The following SMG1 variants were observed in gnomAD, a reference collection of about 807,000 sequenced individuals.
SMG1 encodes the protein SMG1 nonsense mediated mRNA decay associated PI3K related kinase.
SMG1 carries 22 observed loss-of-function variants against 419.9 expected under a neutral mutation model. The ratio of observed to expected loss-of-function variants is 0.05; its 90% CI spans 0.04 to 0.07. The LOEUF is 0.07. Ranked by LOEUF, SMG1 falls within the 10% of genes least tolerant of loss-of-function variation. The pLI is 1.00. For missense variants in SMG1, 3,185 were observed against 4,342.0 expected (o/e 0.73, Z 7.49); for synonymous variants, 1,538 against 1,553.5 (o/e 0.99, Z 0.23).
rs766994521 is a variant in SMG1 at position 18,885,684 on chromosome 16, A to G, written c.823-18T>C. The stretch of plus-strand genomic sequence containing the variant: ...ATTACAAGCTTAAAAATAAAAAGTT[A>G]CAAACCGTGAACATTCAACAAAATA... On this transcript the variant is annotated intron_variant, in intron 6 of 62. Coordinates refer to ENST00000446231, the MANE Select transcript of SMG1 (RefSeq NM_015092.5). 7 of 1,595,516 alleles carry G rather than the reference A, an allele frequency of 4.4e-6. No homozygotes were observed. The highest frequency in any genetic ancestry group is 2.7e-5 in the African/African-American group (2 of 74,832).
chr16:18,887,854 C>A (rs2036702296), intron 6 of SMG1, among the ~76,000 whole-genome samples: 1 of 131,290 alleles, frequency 7.6e-6, no homozygotes, highest in African/African-American at 2.8e-5. Context: ...CACTTAAAAT[C>A]TTACTCAAAA....
intron 11 of SMG1, chr16:18,879,216 A>G: frequency 2.3e-6 from 1 of 427,996 alleles, no homozygotes; most frequent in Non-Finnish European, 4.4e-6. Context: ...CCTGGGCTTA[A>G]TCGATCCTCC....
In SMG1 at chr16:18,836,408, T is replaced by C. The variant is rs772821118; in HGVS notation, c.7729A>G (p.Thr2577Ala). 4 of 1,613,942 alleles carry C rather than the reference T, an allele frequency of 2.5e-6. No individual in the cohort carries two copies. Among genetic ancestry groups the C allele is most frequent in the East Asian group, 2.2e-5 (1 of 44,896 alleles). ...TCTTGAAGCAAGCTTGCAAGCTGTG[T>C]TGCTTCTAAATTATTGAATGCAGCC... ...YQAAFNNLEA[T>A]QLASLLQEIS... Residue 2577 changes from threonine to alanine, a missense_variant, in exon 47 of 63, where the codon ACA becomes GCA. Coordinates refer to ENST00000446231, the MANE Select transcript of SMG1 (RefSeq NM_015092.5).
At chr16:18,874,845 G>A (rs1355218200) in intron 13 of SMG1, among the ~76,000 whole-genome samples, 4 of 105,916 alleles carry the variant, frequency 3.8e-5, no homozygotes, top group East Asian at 6.6e-4. Flanking sequence ...CAGCCCAGGC[G>A]ACAACAGCAT....
intron 1 of SMG1, among the ~76,000 whole-genome samples, chr16:18,918,918 G>C (rs2038081144): frequency 6.6e-6 from 1 of 152,122 alleles, no homozygotes; most frequent in Non-Finnish European, 1.5e-5. Flanking sequence ...AGGAAGGAAG[G>C]TATACTGAGA....
rs115808594 is a variant in SMG1, at chr16:18,851,935, A to C, written c.5052+132T>G. ...AAAATATAACTCACTTTCATCTTAA[A>C]ATGCAGAAGTTTTTATTTACAACAA... On this transcript the variant is annotated intron_variant, in intron 33 of 62. Coordinates refer to ENST00000446231, the MANE Select transcript of SMG1 (RefSeq NM_015092.5). 2,819 of 951,706 alleles carry C rather than the reference A, an allele frequency of 3.0e-3. 74 individuals carry two copies. In the African/African-American group the frequency reaches 0.043, roughly 15 times the overall value. The allele number at this position is 951,706 out of a possible 1,614,324, so 59.0% of individuals were successfully genotyped here.
rs762705805 is a variant in SMG1 at position 18,842,370 on chromosome 16, T to C, written c.6304A>G (p.Met2102Val). The C allele has an allele frequency of 2.2e-5, 35 of 1,613,924 alleles. No individual in the cohort carries two copies. In the East Asian group the frequency reaches 7.3e-4, roughly 34 times the overall value. The change falls in exon 40 of 63, where the codon ATG becomes GTG. Residue 2102 changes from methionine (M) to valine (V), a missense_variant. Physicochemically the swap from Met to Val is conservative, Grantham distance 21. This residue lies in a region of SMG1 where 159 missense variants were observed against 196.0 expected (regional missense o/e 0.81). Transcript: ENST00000446231. ...LEEISPWLAA[M>V]TNTEIALPGE... ...GGAAGAGCAATTTCAGTGTTAGTCATGGCAGCCAACCATGGACTGATTTCT... is the reference window on the plus strand; with the variant it reads ...GGAAGAGCAATTTCAGTGTTAGTCACGGCAGCCAACCATGGACTGATTTCT...
At chr16:18,916,962 T>C (rs773256709) in intron 1 of SMG1, among the ~76,000 whole-genome samples, 2 of 152,038 alleles carry the variant, frequency 1.3e-5, no homozygotes, top group Non-Finnish European at 2.9e-5. Context: ...AAAGACACCA[T>C]GGACCACACT....
chr16:18,848,050 G>A lies in SMG1; in HGVS notation c.5624-17C>T. 1.3e-6 allele frequency: 2 copies of A among 1,589,326 alleles called. No homozygotes were observed. On this transcript the variant is annotated splice_polypyrimidine_tract_variant and intron_variant, in intron 36 of 62. Coordinates refer to ENST00000446231, the MANE Select transcript of SMG1 (RefSeq NM_015092.5). Reference sequence around the variant, plus strand: ...ATTTATTTCCTGTAATGAAATAGGAGAACAAGGAATATTTTGAACATTTCT... The same window carrying A: ...ATTTATTTCCTGTAATGAAATAGGAAAACAAGGAATATTTTGAACATTTCT...
chr16:18,908,790 G>C (rs1332710016), intron 1 of SMG1, among the ~76,000 whole-genome samples: 2 of 151,658 alleles, frequency 1.3e-5, no homozygotes, highest in African/African-American at 2.4e-5. Context: ...TGAGGTAGGA[G>C]AATGGCGTGA....
chr16:18,887,516 C>CTTTGTTTT lies in SMG1; in HGVS notation c.823-1851_823-1850insAAAACAAA, dbSNP rs749197007. Among the ~76,000 whole-genome samples, 7 of 110,122 alleles carry CTTTGTTTT rather than the reference C, an allele frequency of 6.4e-5. 1 individual carries two copies. The highest frequency in any genetic ancestry group is 9.1e-5 in the Non-Finnish European group (5 of 54,768). The allele number at this position is 110,122 out of a possible 152,430, so 72.2% of individuals were successfully genotyped here. ...ACCACGCCCGACTTATTTTTTTTTC[C>CTTTGTTTT]TTTTTTTTTTTTTTTTTAATAGAAA... is the stretch of plus-strand genomic sequence containing the variant. On this transcript the variant is annotated intron_variant, in intron 6 of 62. Transcript: ENST00000446231.
At chr16:18,865,666 T>A (rs2035460810) in intron 23 of SMG1, among the ~76,000 whole-genome samples, 1 of 151,752 alleles carries the variant, frequency 6.6e-6, no homozygotes. Flanking sequence ...ATGGCAATTT[T>A]TTTTTTTTTT....
intron 56 of SMG1, among the ~76,000 whole-genome samples, chr16:18,819,177 C>T (rs1213111008): frequency 6.6e-6 from 1 of 152,200 alleles, no homozygotes; most frequent in African/African-American, 2.4e-5. Flanking sequence ...ATTCCAAGTA[C>T]CTTTCCAAAT....
intron 1 of SMG1, 127 bp from the exon 2 acceptor site, chr16:18,897,083 T>C (rs1027473898): frequency 1.9e-5 from 12 of 623,650 alleles, no homozygotes; most frequent in African/African-American, 7.5e-5. Context: ...GTACTATATA[T>C]TATATGTAAG....
chr16:18,837,392 C>T lies in SMG1; in HGVS notation c.7465G>A (p.Asp2489Asn). Residue 2489 changes from aspartate to asparagine, a missense_variant, in exon 46 of 63, where the codon GAC becomes AAC. Asp to Asn is a conservative substitution (Grantham distance 23, BLOSUM62 1). This residue lies in a region of SMG1 where 412 missense variants were observed against 546.6 expected (regional missense o/e 0.75). Coordinates refer to ENST00000446231, the MANE Select transcript of SMG1 (RefSeq NM_015092.5). ...DEMLVVLPKL[D>N]GSLDEYLSLQ... ...CTTAGGTATTCATCTAAGCTACCGT[C>T]CAACTTGGGAAGCACAACCAGCATC... 6.2e-7 allele frequency: 1 copy of T among 1,613,950 alleles called. No homozygotes were observed. The highest frequency in any genetic ancestry group is 8.5e-7 in the Non-Finnish European group (1 of 1,179,868).
intron 1 of SMG1, among the ~76,000 whole-genome samples, chr16:18,920,382 CAAAAA>C (rs67904345): frequency 9.9e-6 from 1 of 100,804 alleles, no homozygotes; most frequent in Non-Finnish European, 2.0e-5. Flanking sequence ...AACTCCGTCT[CAAAAA>C]AAAAAAAAAA....
intron 38 of SMG1, among the ~76,000 whole-genome samples, chr16:18,845,855 C>T (rs568689724): frequency 6.6e-6 from 1 of 151,970 alleles, no homozygotes; most frequent in South Asian, 2.1e-4. Context: ...TTTGCTCTGT[C>T]ACCAGACTGG....
At chr16:18,886,651 A>C (rs1428406035) in intron 6 of SMG1, among the ~76,000 whole-genome samples, 3 of 152,118 alleles carry the variant, frequency 2.0e-5, no homozygotes, top group African/African-American at 7.2e-5. Context: ...AAAATATAAA[A>C]ATTAGCAGAG....
chr16:18,867,430 C>A (rs535915220), intron 22 of SMG1, among the ~76,000 whole-genome samples: 19 of 151,582 alleles, frequency 1.3e-4, no homozygotes, highest in African/African-American at 4.4e-4. Flanking sequence ...GGGACTGAGG[C>A]AAGAAGAGGC....
Sources: allele counts gnomAD v4.1 joint callset (sites outside exome capture counted in the v4.1 genomes callset), GRCh38; gene constraint gnomAD v4.1.1; regional missense constraint gnomAD v4.1.1; transcripts MANE v1.5; gene names NCBI Gene and HGNC (gene_info 2026-07-23, HGNC 2026-07-21).